The following GALNTL6 variants were observed in gnomAD, a reference collection of about 807,000 sequenced individuals.
GALNTL6 encodes polypeptide N-acetylgalactosaminyltransferase like 6.
A neutral mutation model predicts 73.7 loss-of-function variants in GALNTL6; 46 were observed. The ratio of observed to expected loss-of-function variants is 0.62; its 90% CI spans 0.49 to 0.80. The LOEUF is 0.80. Among genes scored for constraint, GALNTL6 ranks in the 30% least tolerant of loss-of-function variants. The probability of loss-of-function intolerance (pLI) is 0.00; values close to 1 mark genes in which losing one functional copy is unlikely to be tolerated. For synonymous variants in GALNTL6, 259 were observed against 263.7 expected, an observed-to-expected ratio of 0.98 and a Z score of 0.17; for missense variants, 604 against 755.0, an observed-to-expected ratio of 0.80 and a Z score of 2.34.
intron 2 of GALNTL6, among the ~76,000 whole-genome samples, chr4:172,014,399 T>C (rs1377521864): frequency 6.6e-6 from 1 of 152,132 alleles, no homozygotes; most frequent in Non-Finnish European, 1.5e-5. Context: ...ACCTGTCTTT[T>C]CGATAAAGGA....
At chr4:172,813,130 T>C (rs58487711) in intron 6 of GALNTL6, among the ~76,000 whole-genome samples, 1,620 of 152,252 alleles carry the variant, frequency 0.011, 27 homozygotes, top group African/African-American at 0.034. Flanking sequence ...TATTTACTTT[T>C]TGGAACCTCC....
chr4:171,864,501 C>CA (rs1735920966), intron 2 of GALNTL6, among the ~76,000 whole-genome samples: 3 of 152,226 alleles, frequency 2.0e-5, no homozygotes, highest in Admixed American at 2.0e-4. Flanking sequence ...TATAGTGTAA[C>CA]AAAATAACAT....
At chr4:172,416,045 C>G (rs539351485) in intron 5 of GALNTL6, among the ~76,000 whole-genome samples, 1 of 152,180 alleles carries the variant, frequency 6.6e-6, no homozygotes, top group South Asian at 2.1e-4. Flanking sequence ...GGGGTGGTCT[C>G]CTCCCTTAGC....
intron 2 of GALNTL6, among the ~76,000 whole-genome samples, chr4:172,223,596 CT>C (rs1736758521): frequency 6.6e-6 from 1 of 151,840 alleles, no homozygotes; most frequent in South Asian, 2.1e-4. Flanking sequence ...TAACATTTTT[CT>C]AAGGGAATTT....
At chr4:172,185,375 A>G (rs115400843) in intron 2 of GALNTL6, among the ~76,000 whole-genome samples, 5,914 of 152,306 alleles carry the variant, frequency 0.039, 296 homozygotes, top group Admixed American at 0.15. Context: ...CACCTGTTTT[A>G]AGGAAATACG....
intron 5 of GALNTL6, among the ~76,000 whole-genome samples, chr4:172,744,222 A>T (rs1736966373): frequency 6.6e-6 from 1 of 152,088 alleles, no homozygotes; most frequent in Non-Finnish European, 1.5e-5. Context: ...GTAAGCATCC[A>T]CTTTGATTGA....
At chr4:172,533,246 C>T (rs574283167) in intron 5 of GALNTL6, among the ~76,000 whole-genome samples, 13 of 148,792 alleles carry the variant, frequency 8.7e-5, no homozygotes, top group Non-Finnish European at 1.9e-4. Context: ...CTCCTGACCT[C>T]AGGTGATCCA....
intron 2 of GALNTL6, among the ~76,000 whole-genome samples, chr4:172,149,837 A>G (rs1734026904): frequency 2.6e-5 from 4 of 152,166 alleles, no homozygotes; most frequent in African/African-American, 9.7e-5. Flanking sequence ...ATGGACCACA[A>G]AATATCACAC....
At chr4:172,158,484 A>C (rs760678745) in intron 2 of GALNTL6, among the ~76,000 whole-genome samples, 1 of 151,974 alleles carries the variant, frequency 6.6e-6, no homozygotes, top group Non-Finnish European at 1.5e-5. Context: ...ATGCTATGTT[A>C]AGTGATGATG....
At position 172,952,250 on chromosome 4, in the gene GALNTL6, T is replaced by TG. The variant is rs1177099840; in HGVS notation, c.1369dup (p.Glu457GlyfsTer33). The TG allele has an allele frequency of 6.2e-7, 1 of 1,612,962 alleles. No homozygotes were observed. The highest frequency in any genetic ancestry group is 8.5e-7 in the Non-Finnish European group (1 of 1,179,166). On this transcript the variant is annotated frameshift_variant, in exon 10 of 13. Transcript: ENST00000506823. LOFTEE classifies it high-confidence loss of function. Reference sequence around the variant, plus strand: ...TCCAGTGGAGCCCCCGCCTGCTGCCTGGGGGGAGGTGAGGAAAGGTTGCCT... The same window carrying TG: ...TCCAGTGGAGCCCCCGCCTGCTGCCTGGGGGGGAGGTGAGGAAAGGTTGCCT...
At position 172,071,762 on chromosome 4, in the gene GALNTL6, G is replaced by A. The variant is rs1352637061; in HGVS notation, c.139-157894G>A. ...TTTTGGCAGAGACTCAAATGCAGGC[G>A]GAAGAGTGGGAAAGCTTTATTATGG... On this transcript the variant is annotated intron_variant, in intron 2 of 12. Transcript: ENST00000506823. Among the ~76,000 whole-genome samples, 5 of 41,318 alleles carry A rather than the reference G, an allele frequency of 1.2e-4. 1 individual carries two copies. Among genetic ancestry groups the A allele is most frequent in the African/African-American group, 1.8e-4 (2 of 10,966 alleles). The allele number at this position is 41,318 out of a possible 152,430, so 27.1% of individuals were successfully genotyped here. A position where few individuals can be genotyped will look rare whatever the true frequency, so the allele number is the denominator to read the frequency against.
Position 172,223,517 on chromosome 4 carries a change from T to C in GALNTL6, c.139-6139T>C, listed in dbSNP as rs180696906. On this transcript the variant is annotated intron_variant, in intron 2 of 12. Transcript: ENST00000506823. Reference sequence around the variant, plus strand: ...TCTTGACTTCCTTTTGCTCAGTGCATAGAGTTCAGAGACCTGTGTATTAAT... The same window carrying C: ...TCTTGACTTCCTTTTGCTCAGTGCACAGAGTTCAGAGACCTGTGTATTAAT... Among the ~76,000 whole-genome samples the C allele has an allele frequency of 3.0e-3, 451 of 152,222 alleles. 2 individuals carry two copies. The highest frequency in any genetic ancestry group is 0.02 in the Middle Eastern group (6 of 294).
At chr4:171,824,187 T>C (rs2110810383) in intron 2 of GALNTL6, among the ~76,000 whole-genome samples, 1 of 150,962 alleles carries the variant, frequency 6.6e-6, no homozygotes, top group African/African-American at 2.4e-5. Flanking sequence ...GATTTTTCTA[T>C]CAATATCAAC....
chr4:171,821,495 G>C (rs985213464), intron 2 of GALNTL6, among the ~76,000 whole-genome samples: 5 of 152,096 alleles, frequency 3.3e-5, no homozygotes, highest in African/African-American at 1.2e-4. Context: ...TTCTGGCTTA[G>C]TATGTTGTGA....
At chr4:172,234,366 G>T (rs1737170971) in intron 3 of GALNTL6, among the ~76,000 whole-genome samples, 2 of 152,018 alleles carry the variant, frequency 1.3e-5, no homozygotes, top group African/African-American at 4.8e-5. Flanking sequence ...CTCATTTTGA[G>T]ATTTTATCTG....
At chr4:172,944,540 A>G (rs947896623) in intron 9 of GALNTL6, among the ~76,000 whole-genome samples, 4 of 152,330 alleles carry the variant, frequency 2.6e-5, no homozygotes, top group Non-Finnish European at 5.9e-5. Flanking sequence ...ACTTTGGAAA[A>G]CAATTCAGAT....
chr4:171,828,382 A>G (rs1006249566), intron 2 of GALNTL6, among the ~76,000 whole-genome samples: 6 of 152,174 alleles, frequency 3.9e-5, no homozygotes, highest in Non-Finnish European at 5.9e-5. Flanking sequence ...AACCTTGAAT[A>G]GCACCATGGG....
intron 5 of GALNTL6, among the ~76,000 whole-genome samples, chr4:172,754,032 A>T (rs1045769147): frequency 3.9e-5 from 6 of 152,188 alleles, no homozygotes; most frequent in Non-Finnish European, 2.9e-5. Flanking sequence ...TACACAAAAG[A>T]AGGAGGAAAA....
At chr4:171,828,569 A>G (rs951713599) in intron 2 of GALNTL6, among the ~76,000 whole-genome samples, 19 of 152,174 alleles carry the variant, frequency 1.2e-4, no homozygotes, top group Admixed American at 9.8e-4. Context: ...TATGGTATTG[A>G]TAAACACAAT....
Sources: allele counts gnomAD v4.1 joint callset (sites outside exome capture counted in the v4.1 genomes callset), GRCh38; gene constraint gnomAD v4.1.1; transcripts MANE v1.5; gene names NCBI Gene and HGNC (gene_info 2026-07-23, HGNC 2026-07-21).